The following PVT1 variants were observed in gnomAD, a reference collection of about 807,000 sequenced individuals.
PVT1 encodes the protein Pvt1 oncogene, also known as CXCR4/PVT1 fusion.
chr8:127,821,901 G>A (rs1022408938), intron 2 of PVT1, among the ~76,000 whole-genome samples: 1 of 152,182 alleles, frequency 6.6e-6, no homozygotes, highest in Non-Finnish European at 1.5e-5. Flanking sequence ...GACACAAACG[G>A]TGGACTTTAG....
At chr8:127,983,154 CA>C (rs1816904176) in intron 3 of PVT1, among the ~76,000 whole-genome samples, 1 of 152,124 alleles carries the variant, frequency 6.6e-6, no homozygotes, top group Non-Finnish European at 1.5e-5. Context: ...AGCCTGGGGT[CA>C]AATCCCAGCT....
At chr8:128,075,754 G>A (rs567950455) in intron 5 of PVT1, among the ~76,000 whole-genome samples, 6 of 152,156 alleles carry the variant, frequency 3.9e-5, no homozygotes, top group Non-Finnish European at 8.8e-5. Flanking sequence ...ATCCATGGTA[G>A]CCACTCTATT....
intron 2 of PVT1, among the ~76,000 whole-genome samples, chr8:127,859,193 G>A (rs1815193925): frequency 6.6e-6 from 1 of 151,986 alleles, no homozygotes; most frequent in African/African-American, 2.4e-5. Context: ...TCTGTAGTTG[G>A]CTGTCTCATT....
chr8:127,827,012 T>TTTTG (rs1814797034), intron 2 of PVT1, among the ~76,000 whole-genome samples: 2 of 145,630 alleles, frequency 1.4e-5, no homozygotes, highest in South Asian at 2.2e-4. Flanking sequence ...TTTTTTTTTT[T>TTTTG]GAGATGGAGT....
At chr8:127,952,803 G>C (rs566977520) in intron 3 of PVT1, among the ~76,000 whole-genome samples, 18 of 148,950 alleles carry the variant, frequency 1.2e-4, no homozygotes, top group East Asian at 4.0e-4. Flanking sequence ...CTCGCTCTGT[G>C]GCCCAGGCTG....
intron 2 of PVT1, among the ~76,000 whole-genome samples, chr8:127,805,844 CATACTGAA>C (rs1347553685): frequency 6.6e-6 from 1 of 152,072 alleles, no homozygotes; most frequent in Non-Finnish European, 1.5e-5. Context: ...TAAGGGGGTT[CATACTGAA>C]ATACTGTCTG....
chr8:127,891,619 T>C (rs1193059957), intron 3 of PVT1, among the ~76,000 whole-genome samples: 2 of 152,220 alleles, frequency 1.3e-5, no homozygotes, highest in Non-Finnish European at 2.9e-5. Context: ...CAAGTAGACA[T>C]TGAAATGCTG....
chr8:128,081,094 G>A (rs541947834), intron 5 of PVT1, among the ~76,000 whole-genome samples: 5 of 152,068 alleles, frequency 3.3e-5, no homozygotes, highest in African/African-American at 4.8e-5. Context: ...CCAATACCAC[G>A]CCATCTTGAT....
chr8:127,924,652 C>T (rs1472888841), intron 3 of PVT1, among the ~76,000 whole-genome samples: 2 of 151,908 alleles, frequency 1.3e-5, no homozygotes, highest in Non-Finnish European at 2.9e-5. Context: ...GCTGGGACTA[C>T]AGGCGCCCAC....
chr8:127,826,427 A>G (rs1241270004), intron 2 of PVT1, among the ~76,000 whole-genome samples: 1 of 152,074 alleles, frequency 6.6e-6, no homozygotes, highest in African/African-American at 2.4e-5. Context: ...GCCAACCTGC[A>G]CTTTAGTTCT....
At chr8:127,942,029 C>G (rs1014047129) in intron 3 of PVT1, among the ~76,000 whole-genome samples, 1 of 152,230 alleles carries the variant, frequency 6.6e-6, no homozygotes, top group Non-Finnish European at 1.5e-5. Context: ...TTCCCAAGGG[C>G]ACCCTGAGTC....
chr8:127,922,519 G>T (rs1816074390), intron 3 of PVT1, among the ~76,000 whole-genome samples: 1 of 152,150 alleles, frequency 6.6e-6, no homozygotes. Flanking sequence ...TGTTCCTTCT[G>T]CCTAGTTCAC....
At chr8:128,065,196 T>TA (rs796872631) in intron 4 of PVT1, among the ~76,000 whole-genome samples, 1,155 of 93,880 alleles carry the variant, frequency 0.012, 22 homozygotes, top group African/African-American at 0.038. Flanking sequence ...CTTTTTTATT[T>TA]TTTATTTTTT....
At chr8:127,914,433 A>G (rs901991807) in intron 3 of PVT1, among the ~76,000 whole-genome samples, 4 of 152,202 alleles carry the variant, frequency 2.6e-5, no homozygotes, top group Non-Finnish European at 5.9e-5. Context: ...GTATAGAATT[A>G]CATATGACCC....
chr8:127,827,896 C>T (rs569532261), intron 2 of PVT1, among the ~76,000 whole-genome samples: 23 of 152,194 alleles, frequency 1.5e-4, no homozygotes, highest in African/African-American at 5.5e-4. Context: ...CCCTCAGCAC[C>T]GTTGTAACAT....
intron 2 of PVT1, among the ~76,000 whole-genome samples, chr8:127,854,961 G>A (rs1342645884): frequency 6.6e-6 from 1 of 152,134 alleles, no homozygotes; most frequent in South Asian, 2.1e-4. Flanking sequence ...CCCATTTCAC[G>A]GTTGAAGAAA....
At chr8:127,921,483 T>C (rs1816056271) in intron 3 of PVT1, among the ~76,000 whole-genome samples, 1 of 152,190 alleles carries the variant, frequency 6.6e-6, no homozygotes, top group Non-Finnish European at 1.5e-5. Context: ...ATTCATTCTG[T>C]ACACAACTCA....
chr8:128,071,751 T>A (rs1012245895), intron 5 of PVT1, among the ~76,000 whole-genome samples: 4 of 150,254 alleles, frequency 2.7e-5, no homozygotes, highest in Admixed American at 2.7e-4. Flanking sequence ...CGTATAGTTA[T>A]AATTTGTTGA....
chr8:127,833,404 C>T (rs1001087893), intron 2 of PVT1, among the ~76,000 whole-genome samples: 58 of 152,002 alleles, frequency 3.8e-4, no homozygotes, highest in African/African-American at 4.6e-4. Flanking sequence ...CGGTCCTAGC[C>T]GGGGTAAGTG....
Sources: allele counts gnomAD v4.1 joint callset (sites outside exome capture counted in the v4.1 genomes callset), GRCh38; gene constraint gnomAD v4.1.1; transcripts MANE v1.5; gene names NCBI Gene and HGNC (gene_info 2026-07-23, HGNC 2026-07-21).